The following DPP10 variants were observed in gnomAD, a reference collection of about 807,000 sequenced individuals.
The protein encoded by DPP10 is dipeptidyl peptidase like 10, also known as inactive dipeptidyl peptidase 10.
DPP10 carries 33 observed loss-of-function variants against 120.9 expected under a neutral mutation model. The ratio of observed to expected loss-of-function variants is 0.27; its 90% CI spans 0.21 to 0.37. DPP10 has a LOEUF of 0.37. Among genes scored for constraint, DPP10 ranks in the 10% least tolerant of loss-of-function variants. The pLI, the probability that DPP10 is intolerant of heterozygous loss-of-function variation, is 1.00. For missense variants in DPP10, 816 were observed against 942.8 expected (o/e 0.87, Z 1.76); for synonymous variants, 337 against 326.1 (o/e 1.03, Z -0.36).
rs66927327 is a variant in DPP10 at position 115,459,938 on chromosome 2, T to TATATATATATATACACACACACAC, written c.272-39571_272-39570insTATATATATATACACACACACACA. Among the ~76,000 whole-genome samples the TATATATATATATACACACACACAC allele has an allele frequency of 3.1e-4, 40 of 128,528 alleles. No homozygotes were observed. The South Asian group carries it at 0.01, about 32-fold the overall frequency. 84.3% of individuals were successfully genotyped at this position (128,528 alleles called of 152,430 possible). A position where few individuals can be genotyped will look rare whatever the true frequency, so the allele number is the denominator to read the frequency against. On this transcript the variant is annotated intron_variant, in intron 3 of 25. Transcript: ENST00000410059. ...AAAACATATATTTTATATATATATA[T>TATATATATATATACACACACACAC]ACACACACACACCTTTGTTTGCATT...
intron 11 of DPP10, among the ~76,000 whole-genome samples, chr2:115,756,922 T>C (rs1404493678): frequency 6.6e-6 from 1 of 152,092 alleles, no homozygotes; most frequent in Non-Finnish European, 1.5e-5. Context: ...CGTCCTTTTA[T>C]AAGGAGCCCA....
At chr2:115,536,339 A>T (rs1367121600) in intron 5 of DPP10, among the ~76,000 whole-genome samples, 2 of 152,000 alleles carry the variant, frequency 1.3e-5, no homozygotes, top group Non-Finnish European at 2.9e-5. Context: ...TCTCAAAAAC[A>T]TTATTTTAAT....
intron 1 of DPP10, among the ~76,000 whole-genome samples, chr2:114,609,523 G>A (rs946353318): frequency 1.3e-5 from 2 of 152,168 alleles, no homozygotes; most frequent in Non-Finnish European, 2.9e-5. Flanking sequence ...GAGTCAGGAG[G>A]TGAAGCCAAG....
At chr2:115,397,700 GA>G (rs2067781854) in intron 3 of DPP10, among the ~76,000 whole-genome samples, 4 of 152,170 alleles carry the variant, frequency 2.6e-5, no homozygotes, top group African/African-American at 9.7e-5. Context: ...TTTAGTTTCT[GA>G]CTAATTCTGC....
At chr2:114,866,849 A>G (rs1415384958) in intron 1 of DPP10, among the ~76,000 whole-genome samples, 1 of 151,976 alleles carries the variant, frequency 6.6e-6, no homozygotes, top group Non-Finnish European at 1.5e-5. Context: ...AGCCTGGAGA[A>G]CCCCCTCAAG....
intron 3 of DPP10, among the ~76,000 whole-genome samples, chr2:115,415,320 A>G (rs1646485854): frequency 1.3e-5 from 2 of 152,134 alleles, no homozygotes; most frequent in South Asian, 4.1e-4. Flanking sequence ...GCCGTGCTGG[A>G]AAATTTCTGG....
rs191214093 is a variant in DPP10 at position 115,055,388 on chromosome 2, C to T, written c.61-253851C>T. ...CTGGAAATGTTTTGTTGTTTTGAAT[C>T]TTACTATGTCATTCTTGGAAAAAGT... On this transcript the variant is annotated intron_variant, in intron 1 of 25. Transcript: ENST00000410059. Among the ~76,000 whole-genome samples the T allele has an allele frequency of 6.2e-4, 94 of 152,222 alleles. 2 individuals are homozygous for T. In the Middle Eastern group the frequency reaches 0.01, roughly 17 times the overall value.
intron 1 of DPP10, among the ~76,000 whole-genome samples, chr2:115,207,940 A>C (rs1348593557): frequency 6.6e-6 from 1 of 152,186 alleles, no homozygotes; most frequent in East Asian, 1.9e-4. Flanking sequence ...AGATTGGCAA[A>C]ACTGGATAGT....
At chr2:115,228,922 G>C (rs1427749702) in intron 1 of DPP10, among the ~76,000 whole-genome samples, 1 of 152,004 alleles carries the variant, frequency 6.6e-6, no homozygotes, top group East Asian at 1.9e-4. Flanking sequence ...TCTTATAATA[G>C]CTCTATTTTT....
At chr2:114,789,066 A>T (rs1683021456) in intron 1 of DPP10, among the ~76,000 whole-genome samples, 3 of 152,216 alleles carry the variant, frequency 2.0e-5, no homozygotes. Flanking sequence ...AGCCCACAAG[A>T]TGAACTTCAC....
At chr2:114,455,227 A>G (rs1262664777) in intron 1 of DPP10, among the ~76,000 whole-genome samples, 4 of 151,362 alleles carry the variant, frequency 2.6e-5, no homozygotes, top group Non-Finnish European at 5.9e-5. Flanking sequence ...AATAAGTTAG[A>G]AGAGATAAGA....
intron 5 of DPP10, among the ~76,000 whole-genome samples, chr2:115,578,364 G>A (rs1026756959): frequency 7.2e-5 from 11 of 151,998 alleles, no homozygotes; most frequent in South Asian, 2.1e-4. Context: ...AAACGTACAC[G>A]TGTACACATA....
intron 1 of DPP10, among the ~76,000 whole-genome samples, chr2:114,771,490 A>C (rs1681244198): frequency 6.6e-6 from 1 of 152,198 alleles, no homozygotes. Context: ...AAGAATAAGA[A>C]ACTTGACTAA....
intron 1 of DPP10, among the ~76,000 whole-genome samples, chr2:114,509,793 A>G (rs1683980977): frequency 6.6e-6 from 1 of 152,246 alleles, no homozygotes; most frequent in African/African-American, 2.4e-5. Context: ...CAATTTGGAA[A>G]TGCAGAAAGA....
intron 8 of DPP10, among the ~76,000 whole-genome samples, chr2:115,736,549 A>G (rs181270574): frequency 1.7e-3 from 260 of 152,302 alleles, no homozygotes; most frequent in African/African-American, 6.0e-3. Flanking sequence ...GAACAGATCC[A>G]TTGGCAGCAA....
At chr2:115,763,554 AT>A (rs1226347241) in intron 12 of DPP10, among the ~76,000 whole-genome samples, 1 of 152,106 alleles carries the variant, frequency 6.6e-6, no homozygotes, top group Non-Finnish European at 1.5e-5. Flanking sequence ...TCTATATATA[AT>A]TAATATGTAC....
At chr2:114,946,875 T>C (rs1427774691) in intron 1 of DPP10, among the ~76,000 whole-genome samples, 1 of 152,154 alleles carries the variant, frequency 6.6e-6, no homozygotes, top group Non-Finnish European at 1.5e-5. Flanking sequence ...TTATTCTTCC[T>C]TTAAATATTT....
chr2:115,013,592 CA>C (rs1702415728), intron 1 of DPP10, among the ~76,000 whole-genome samples: 1 of 142,034 alleles, frequency 7.0e-6, no homozygotes, highest in Non-Finnish European at 1.5e-5. Context: ...AGACTCATCT[CA>C]TGTGCAAAAC....
At chr2:114,537,064 A>G (rs1470698757) in intron 1 of DPP10, among the ~76,000 whole-genome samples, 4 of 152,214 alleles carry the variant, frequency 2.6e-5, no homozygotes, top group Non-Finnish European at 5.9e-5. Context: ...CATTAAGGAT[A>G]TTGGGTGAAG....
Sources: allele counts gnomAD v4.1 joint callset (sites outside exome capture counted in the v4.1 genomes callset), GRCh38; gene constraint gnomAD v4.1.1; transcripts MANE v1.5; gene names NCBI Gene and HGNC (gene_info 2026-07-23, HGNC 2026-07-21).